SOS1: variants seen among roughly 807,000 people sequenced by gnomAD.
SOS1 encodes the protein son of sevenless homolog 1.
A neutral mutation model predicts 157.6 loss-of-function variants in SOS1; 25 were observed. That is an observed-to-expected ratio of 0.16 (90% confidence interval 0.12 to 0.22). The LOEUF is 0.22. SOS1 is among the 10% of genes least tolerant of loss of function. The pLI is 1.00. For synonymous variants in SOS1, 528 were observed against 534.0 expected (o/e 0.99, Z 0.16); for missense variants, 1,237 against 1,599.1 (o/e 0.77, Z 3.86).
intron 1 of SOS1, among the ~76,000 whole-genome samples, chr2:39,118,164 T>G (rs1441106507): frequency 6.6e-6 from 1 of 152,192 alleles, no homozygotes; most frequent in African/African-American, 2.4e-5. Flanking sequence ...CCCTGATGAT[T>G]TGACAGTTCA....
At chr2:39,045,357 T>G (rs866994489) in intron 6 of SOS1, among the ~76,000 whole-genome samples, 10 of 152,204 alleles carry the variant, frequency 6.6e-5, no homozygotes, top group Non-Finnish European at 1.3e-4. Context: ...TTGTTTGATC[T>G]TTTAATTTCT....
intron 3 of SOS1, among the ~76,000 whole-genome samples, chr2:39,057,163 C>T (rs1157292323): frequency 6.6e-6 from 1 of 152,120 alleles, no homozygotes; most frequent in Non-Finnish European, 1.5e-5. Context: ...GGGAAGGGAG[C>T]AAATGCTCTT....
rs1004863977 is a variant in SOS1 at position 39,013,631 on chromosome 2, C to G, written c.2064-68G>C. ...TAAATGTTTATCACAATGCACAGTA[C>G]AATACAAATGAAAATGCAGTAACTC... On this transcript the variant is annotated intron_variant, in intron 12 of 22. Coordinates refer to ENST00000402219, the MANE Select transcript of SOS1 (RefSeq NM_005633.4). 3.7e-6 allele frequency: 4 copies of G among 1,092,506 alleles called. No individual in the cohort carries two copies. In the Admixed American group the frequency reaches 5.1e-5, roughly 14 times the overall value. 67.7% of individuals were successfully genotyped at this position (1,092,506 alleles called of 1,614,324 possible).
intron 1 of SOS1, among the ~76,000 whole-genome samples, chr2:39,089,635 G>A (rs1323708803): frequency 6.6e-6 from 1 of 151,830 alleles, no homozygotes; most frequent in Non-Finnish European, 1.5e-5. Flanking sequence ...CAATAGTATT[G>A]GATTATAACC....
chr2:39,117,619 C>T (rs901147903), intron 1 of SOS1, among the ~76,000 whole-genome samples: 4 of 152,188 alleles, frequency 2.6e-5, no homozygotes, highest in Non-Finnish European at 4.4e-5. Context: ...ACTCAAAAGA[C>T]ATCAACAATT....
chr2:39,042,971 C>T (rs1670625231), intron 6 of SOS1, among the ~76,000 whole-genome samples: 1 of 152,048 alleles, frequency 6.6e-6, no homozygotes, highest in African/African-American at 2.4e-5. Context: ...ATATTGACTA[C>T]AAATAGGACA....
At chr2:39,053,170 G>A (rs1297091552) in intron 5 of SOS1, among the ~76,000 whole-genome samples, 2 of 152,066 alleles carry the variant, frequency 1.3e-5, no homozygotes, top group African/African-American at 4.8e-5. Flanking sequence ...AAAAAAGAGA[G>A]AGAACCACCA....
rs942236649 is a variant in SOS1, at chr2:38,982,326, A to T, written c.*3498T>A. On this transcript the variant is annotated 3_prime_UTR_variant, in exon 23 of 23. Transcript: ENST00000402219. ...TCATGCTTCTTAAGTAGAGCTCAAAATATTTCATTGGCTCATGTATAAGGG... is the reference window on the plus strand; with the variant it reads ...TCATGCTTCTTAAGTAGAGCTCAAATTATTTCATTGGCTCATGTATAAGGG... 6.6e-6 allele frequency: 1 copy of T among 152,196 alleles called. No homozygotes were observed. Among genetic ancestry groups the T allele is most frequent in the Non-Finnish European group, 1.5e-5 (1 of 68,028 alleles). The allele number at this position is 152,196 out of a possible 1,614,324, so 9.4% of individuals were successfully genotyped here. A position where few individuals can be genotyped will look rare whatever the true frequency, so the allele number is the denominator to read the frequency against.
At chr2:39,035,774 C>A (rs1216530458) in intron 6 of SOS1, among the ~76,000 whole-genome samples, 2 of 152,056 alleles carry the variant, frequency 1.3e-5, no homozygotes, top group African/African-American at 4.8e-5. Flanking sequence ...ACAAACATGG[C>A]CATAAGAGTG....
rs539077660 is a variant in SOS1 at position 39,106,081 on chromosome 2, A to G, written c.87+14255T>C. Among the ~76,000 whole-genome samples, 5 of 151,752 alleles carry G rather than the reference A, an allele frequency of 3.3e-5. No homozygotes were observed. In the East Asian group the frequency reaches 5.9e-4, roughly 18 times the overall value. ...AAAAATACAAAAAAATTAGCCGCGCATGGTGGTACGTGCCTGTGGTCCCAG... is the reference window on the plus strand; with the variant it reads ...AAAAATACAAAAAAATTAGCCGCGCGTGGTGGTACGTGCCTGTGGTCCCAG... On this transcript the variant is annotated intron_variant, in intron 1 of 22. Coordinates refer to ENST00000402219, the MANE Select transcript of SOS1 (RefSeq NM_005633.4).
intron 1 of SOS1, among the ~76,000 whole-genome samples, chr2:39,102,306 T>C (rs888461524): frequency 5.4e-5 from 8 of 148,254 alleles, no homozygotes; most frequent in African/African-American, 2.0e-4. Context: ...GAGGATAGCT[T>C]GAGCCTACGA....
chr2:39,102,204 CAAAAAAAAAAA>C (rs58865034), intron 1 of SOS1, among the ~76,000 whole-genome samples: 3 of 23,750 alleles, frequency 1.3e-4, no homozygotes, highest in Non-Finnish European at 2.2e-4. Context: ...GACTCTGTCT[CAAAAAAAAAAA>C]AAAAAAAAAA....
intron 8 of SOS1, among the ~76,000 whole-genome samples, chr2:39,032,960 TC>T (rs1670217038): frequency 6.6e-6 from 1 of 151,752 alleles, no homozygotes; most frequent in South Asian, 2.1e-4. Flanking sequence ...GAAGAGGAAT[TC>T]CAGATAAATG....
intron 8 of SOS1, among the ~76,000 whole-genome samples, chr2:39,028,680 C>A (rs1387267927): frequency 6.6e-6 from 1 of 152,130 alleles, no homozygotes; most frequent in Non-Finnish European, 1.5e-5. Context: ...CTAAATAAAA[C>A]CTATTCCATA....
At chr2:38,993,445 G>C (rs1668794379) in intron 20 of SOS1, 1 of 152,164 alleles carries the variant, frequency 6.6e-6, no homozygotes, top group Admixed American at 6.5e-5. Context: ...ACAGGTGTGA[G>C]ACACCATGCC....
intron 1 of SOS1, among the ~76,000 whole-genome samples, chr2:39,074,167 C>A (rs866514364): frequency 3.4e-4 from 51 of 151,820 alleles, no homozygotes; most frequent in Non-Finnish European, 6.6e-4. Context: ...CTGAGCAACA[C>A]AGTGAAACCC....
chr2:39,055,055 ATC>A (rs986587649), intron 4 of SOS1, among the ~76,000 whole-genome samples: 6 of 152,192 alleles, frequency 3.9e-5, no homozygotes, highest in African/African-American at 9.6e-5. Context: ...ACTAGTATTT[ATC>A]TGTCTGTCTC....
intron 1 of SOS1, among the ~76,000 whole-genome samples, chr2:39,069,557 T>C (rs745850069): frequency 3.2e-4 from 49 of 152,108 alleles, no homozygotes; most frequent in Admixed American, 1.2e-3. Flanking sequence ...ATTCATTTTT[T>C]ATTTTTTTGA....
intron 20 of SOS1, among the ~76,000 whole-genome samples, chr2:38,990,443 C>T (rs756773512): frequency 6.6e-6 from 1 of 152,112 alleles, no homozygotes; most frequent in Non-Finnish European, 1.5e-5. Flanking sequence ...AGCTGTTGCT[C>T]TGCCGATGAT....
Sources: allele counts gnomAD v4.1 joint callset (sites outside exome capture counted in the v4.1 genomes callset), GRCh38; gene constraint gnomAD v4.1.1; transcripts MANE v1.5; gene names NCBI Gene and HGNC (gene_info 2026-07-23, HGNC 2026-07-21).